The following ARSG variants were observed in gnomAD, a reference collection of about 807,000 sequenced individuals.
ARSG encodes the protein ASG.
ARSG carries 37 observed loss-of-function variants against 50.5 expected under a neutral mutation model. That is an observed-to-expected ratio of 0.73 (90% CI 0.56 to 0.96). ARSG has a LOEUF of 0.96. Ranked by LOEUF, ARSG falls within the 50% of genes least tolerant of loss-of-function variation. The pLI, the probability that ARSG is intolerant of heterozygous loss-of-function variation, is 0.00. For synonymous variants in ARSG, 225 were observed against 254.6 expected, an observed-to-expected ratio of 0.88 and a Z score of 1.11; for missense variants, 629 against 675.3, an observed-to-expected ratio of 0.93 and a Z score of 0.76.
chr17:68,360,952 G>A (rs139311128), intron 6 of ARSG, among the ~76,000 whole-genome samples: 3,394 of 152,190 alleles, frequency 0.022, 167 homozygotes, highest in Admixed American at 0.1. Context: ...AGCCTCCCGA[G>A]TAGCTGGGAT....
rs1347603349 is a variant in ARSG at position 68,268,999 on chromosome 17, G to A, written c.-552+9573G>A. 10 of 1,555,394 alleles carry A rather than the reference G, an allele frequency of 6.4e-6. 1 individual carries two copies. In the African/African-American group the frequency reaches 1.4e-4, roughly 21 times the overall value. ...CCTTTAAAATGTAGTTTTGAAAGTG[G>A]AGTAGAGGGGTTAGCTCCTCTGCCT... On this transcript the variant is annotated intron_variant, in intron 1 of 11. Transcript: ENST00000448504.
At chr17:68,451,666 T>C in the ARSG span, among the ~76,000 whole-genome samples, 11 of 152,238 alleles carry the variant, frequency 7.2e-5, no homozygotes, top group Non-Finnish European at 1.2e-4. Context: ...CTTCTTGTCC[T>C]GCTAGAGGGG....
rs190587223 is a variant in ARSG at position 68,335,681 on chromosome 17, C to T, written c.219-7923C>T. ...GAGGAGAGATCAGGGAGGATGTCATCGAGGTGCTAACATTGGAACATTTGA... is the reference window on the plus strand; with the variant it reads ...GAGGAGAGATCAGGGAGGATGTCATTGAGGTGCTAACATTGGAACATTTGA... On this transcript the variant is annotated intron_variant, in intron 2 of 11. Transcript: ENST00000621439. 5.3e-5 allele frequency among the ~76,000 whole-genome samples: 8 copies of T among 152,108 alleles called. No homozygotes were observed. The South Asian group carries it at 8.3e-4, about 16-fold the overall frequency.
chr17:68,262,254 G>A (rs1436297096), intron 1 of ARSG, among the ~76,000 whole-genome samples: 7 of 151,742 alleles, frequency 4.6e-5, no homozygotes, highest in South Asian at 4.2e-4. Flanking sequence ...GGCGGATCAC[G>A]ATGTCAGGAG....
At chr17:68,310,719 T>G (rs1354075898) in intron 2 of ARSG, among the ~76,000 whole-genome samples, 1 of 152,220 alleles carries the variant, frequency 6.6e-6, no homozygotes, top group Non-Finnish European at 1.5e-5. Flanking sequence ...ACTTGCATCC[T>G]AGAGCTTGAT....
the ARSG span, chr17:68,440,554 T>C: frequency 6.6e-6 from 1 of 152,222 alleles, no homozygotes; most frequent in African/African-American, 2.4e-5. Context: ...GTTCTGAACA[T>C]CTGAGCATAT....
At chr17:68,335,307 A>T (rs753289085) in intron 2 of ARSG, among the ~76,000 whole-genome samples, 2 of 152,134 alleles carry the variant, frequency 1.3e-5, no homozygotes, top group African/African-American at 2.4e-5. Flanking sequence ...TAATCCCAGC[A>T]CTTTGGGAGG....
chr17:68,266,908 A>C lies in ARSG; in HGVS notation c.-552+7482A>C, dbSNP rs534404383. The C allele has an allele frequency of 3.3e-5, 5 of 152,336 alleles. No individual in the cohort carries two copies. The East Asian group carries it at 9.6e-4, about 29-fold the overall frequency. 9.4% of individuals were successfully genotyped at this position (152,336 alleles called of 1,614,324 possible). On this transcript the variant is annotated intron_variant, in intron 1 of 11. Transcript: ENST00000448504. ...CTAGTAGAGTTAAAAGGTTTTGCAG[A>C]AGATAAACGTTAAAAAATTATTTAT...
intron 8 of ARSG, among the ~76,000 whole-genome samples, chr17:68,376,977 A>G (rs1159480307): frequency 6.6e-6 from 1 of 151,650 alleles, no homozygotes; most frequent in Non-Finnish European, 1.5e-5. Context: ...CTCCTGCTTC[A>G]GCCTCCTGAG....
intron 1 of ARSG, among the ~76,000 whole-genome samples, chr17:68,277,116 C>CTGGTA (rs1280151259): frequency 9.9e-5 from 15 of 152,016 alleles, no homozygotes; most frequent in African/African-American, 2.9e-4. Flanking sequence ...AGATTGGGGC[C>CTGGTA]TGGTATGTCA....
At chr17:68,336,988 A>G (rs1278169452) in intron 2 of ARSG, among the ~76,000 whole-genome samples, 3 of 152,310 alleles carry the variant, frequency 2.0e-5, no homozygotes, top group Admixed American at 1.3e-4. Flanking sequence ...AAGGACCTCT[A>G]TGGAGGCCGT....
intron 8 of ARSG, among the ~76,000 whole-genome samples, chr17:68,372,703 C>T (rs2079910075): frequency 6.6e-6 from 1 of 152,062 alleles, no homozygotes; most frequent in Non-Finnish European, 1.5e-5. Flanking sequence ...AGAGCCAAAC[C>T]GTATCAGGCT....
chr17:68,387,120 T>C (rs544004184), intron 9 of ARSG, among the ~76,000 whole-genome samples: 26 of 137,962 alleles, frequency 1.9e-4, no homozygotes, highest in South Asian at 7.5e-4. Flanking sequence ...CACACACACA[T>C]ACCTTTTATT....
chr17:68,429,628 G>A, the ARSG span, among the ~76,000 whole-genome samples: 14 of 151,968 alleles, frequency 9.2e-5, no homozygotes, highest in Non-Finnish European at 1.6e-4. Context: ...TTGCTCTGTC[G>A]CCCAGGCTGG....
At chr17:68,408,415 A>G (rs1669779188) in intron 11 of ARSG, among the ~76,000 whole-genome samples, 1 of 151,366 alleles carries the variant, frequency 6.6e-6, no homozygotes, top group South Asian at 2.1e-4. Context: ...GAGAATGATG[A>G]TTTCCAATTT....
the ARSG span, chr17:68,430,163 A>G: frequency 6.2e-7 from 1 of 1,611,604 alleles, no homozygotes; most frequent in South Asian, 1.1e-5. Context: ...CTGGTCGACT[A>G]GGGAGTAATG....
At chr17:68,278,104 C>T (rs1555751579) in intron 1 of ARSG, 3 of 1,613,324 alleles carry the variant, frequency 1.9e-6, no homozygotes, top group Non-Finnish European at 2.5e-6. Context: ...AATGTTAAGA[C>T]AAACACACAG....
At chr17:68,379,842 A>G (rs1439018975) in intron 8 of ARSG, 1 of 985,262 alleles carries the variant, frequency 1.0e-6, no homozygotes, top group Non-Finnish European at 1.2e-6. Flanking sequence ...TTTTCTCCCT[A>G]CAGGTAATTT....
At chr17:68,331,094 C>G (rs1024514368) in intron 2 of ARSG, among the ~76,000 whole-genome samples, 1 of 151,656 alleles carries the variant, frequency 6.6e-6, no homozygotes, top group African/African-American at 2.4e-5. Flanking sequence ...AAGCAATTCT[C>G]GTGTCTCAGC....
Sources: allele counts gnomAD v4.1 joint callset (sites outside exome capture counted in the v4.1 genomes callset), GRCh38; gene constraint gnomAD v4.1.1; transcripts MANE v1.5; gene names NCBI Gene and HGNC (gene_info 2026-07-23, HGNC 2026-07-21).